Variants in CCSER1 observed in about 807,000 individuals in gnomAD.
CCSER1 encodes the protein serine-rich coiled-coil domain-containing protein 1.
A neutral mutation model predicts 82.0 loss-of-function variants in CCSER1; 41 were observed. The observed-to-expected ratio is 0.50, with a 90% CI of 0.39 to 0.65. The LOEUF (loss-of-function observed/expected upper bound fraction) is 0.65, where lower values mean the gene tolerates loss of function less well. Ranked by LOEUF, CCSER1 falls within the 30% of genes least tolerant of loss-of-function variation. The pLI, the probability that CCSER1 is intolerant of heterozygous loss-of-function variation, is 0.00. For missense variants in CCSER1, 1,119 were observed against 1,064.2 expected (o/e 1.05, Z -0.72); for synonymous variants, 414 against 383.9 (o/e 1.08, Z -0.92).
intron 10 of CCSER1, among the ~76,000 whole-genome samples, chr4:91,205,372 A>G (rs1377568757): frequency 6.6e-6 from 1 of 151,868 alleles, no homozygotes; most frequent in Non-Finnish European, 1.5e-5. Context: ...TATTTCAAGT[A>G]CCACTAGAAA....
At chr4:90,497,161 C>T (rs1051457110) in intron 5 of CCSER1, among the ~76,000 whole-genome samples, 2 of 148,538 alleles carry the variant, frequency 1.3e-5, no homozygotes, top group Non-Finnish European at 3.0e-5. Context: ...AAACTTTTAA[C>T]AACAGTACTA....
chr4:90,836,120 CTG>C (rs1037220631), intron 8 of CCSER1, among the ~76,000 whole-genome samples: 2 of 152,094 alleles, frequency 1.3e-5, no homozygotes, highest in African/African-American at 4.8e-5. Context: ...TTGTGTGACA[CTG>C]TTGGATAAAA....
intron 10 of CCSER1, among the ~76,000 whole-genome samples, chr4:91,412,598 A>C (rs1560651410): frequency 6.6e-6 from 1 of 152,108 alleles, no homozygotes; most frequent in Non-Finnish European, 1.5e-5. Flanking sequence ...GTCTCCAGTA[A>C]CAGGCCCACC....
chr4:90,424,583 A>G (rs1578405605), intron 4 of CCSER1, among the ~76,000 whole-genome samples: 2 of 152,186 alleles, frequency 1.3e-5, no homozygotes, highest in East Asian at 1.9e-4. Context: ...ATTCTCACAT[A>G]TAAGATACTA....
intron 10 of CCSER1, among the ~76,000 whole-genome samples, chr4:91,561,820 C>T (rs1316581189): frequency 6.6e-6 from 1 of 151,310 alleles, no homozygotes; most frequent in African/African-American, 2.4e-5. Context: ...ATATCTACTC[C>T]TAAAATTCTC....
intron 5 of CCSER1, among the ~76,000 whole-genome samples, chr4:90,508,985 G>A (rs932743898): frequency 6.6e-6 from 1 of 151,770 alleles, no homozygotes; most frequent in Non-Finnish European, 1.5e-5. Context: ...AGGAAACTTT[G>A]AATTTTAAGA....
intron 5 of CCSER1, among the ~76,000 whole-genome samples, chr4:90,535,675 T>C (rs539720881): frequency 2.0e-4 from 31 of 152,144 alleles, no homozygotes; most frequent in Admixed American, 1.3e-3. Context: ...TATACATTAA[T>C]GATAGAATAC....
intron 10 of CCSER1, among the ~76,000 whole-genome samples, chr4:91,299,061 G>C (rs1043456038): frequency 6.6e-6 from 1 of 151,672 alleles, no homozygotes; most frequent in Non-Finnish European, 1.5e-5. Context: ...TGTTTAACAG[G>C]CTATGTTAAA....
intron 9 of CCSER1, among the ~76,000 whole-genome samples, chr4:91,038,559 T>C (rs530607883): frequency 6.6e-6 from 1 of 152,324 alleles, no homozygotes; most frequent in African/African-American, 2.4e-5. Flanking sequence ...GAACAAAATA[T>C]TGTAAACAAC....
intron 10 of CCSER1, among the ~76,000 whole-genome samples, chr4:91,171,351 A>C (rs1019740751): frequency 6.6e-6 from 1 of 152,216 alleles, no homozygotes; most frequent in Admixed American, 6.5e-5. Context: ...ATTACTTAGC[A>C]AACGATATCA....
chr4:91,180,504 C>A (rs1733912758), intron 10 of CCSER1, among the ~76,000 whole-genome samples: 1 of 152,236 alleles, frequency 6.6e-6, no homozygotes, highest in South Asian at 2.1e-4. Context: ...CAAGCCTCAG[C>A]AATGGCGGAC....
intron 3 of CCSER1, among the ~76,000 whole-genome samples, chr4:90,384,223 G>A (rs925155510): frequency 1.1e-4 from 16 of 151,696 alleles, no homozygotes; most frequent in Non-Finnish European, 2.1e-4. Flanking sequence ...TATGTGCCAT[G>A]TTGGTGTGCT....
At chr4:91,544,379 GA>G (rs879280251) in intron 10 of CCSER1, among the ~76,000 whole-genome samples, 1 of 152,192 alleles carries the variant, frequency 6.6e-6, no homozygotes, top group Non-Finnish European at 1.5e-5. Flanking sequence ...TGGAAGAGAA[GA>G]GATGCTCTGA....
chr4:91,162,815 C>A (rs1731573318), intron 10 of CCSER1, among the ~76,000 whole-genome samples: 1 of 152,176 alleles, frequency 6.6e-6, no homozygotes, highest in Admixed American at 6.5e-5. Flanking sequence ...TTTGATTATT[C>A]TCTTTTTTCT....
At chr4:90,878,975 A>T (rs2034835297) in intron 8 of CCSER1, among the ~76,000 whole-genome samples, 2 of 152,154 alleles carry the variant, frequency 1.3e-5, no homozygotes, top group African/African-American at 2.4e-5. Flanking sequence ...TTCCTTCTTA[A>T]CATAACCAAA....
intron 9 of CCSER1, among the ~76,000 whole-genome samples, chr4:90,996,765 G>A (rs1412161601): frequency 6.6e-6 from 1 of 151,824 alleles, no homozygotes; most frequent in Admixed American, 6.6e-5. Flanking sequence ...TATATTATAT[G>A]ATCTATTAAA....
At chr4:90,888,978 T>C (rs1317452579) in intron 8 of CCSER1, among the ~76,000 whole-genome samples, 1 of 152,110 alleles carries the variant, frequency 6.6e-6, no homozygotes, top group African/African-American at 2.4e-5. Flanking sequence ...GCATTTAGTG[T>C]CACATAGCAA....
At position 90,783,331 on chromosome 4, in the gene CCSER1, G is replaced by A. The variant is rs184821008; in HGVS notation, c.2011-32431G>A. Among the ~76,000 whole-genome samples the A allele has an allele frequency of 1.8e-3, 277 of 152,262 alleles. 1 individual carries two copies. Among genetic ancestry groups the A allele is most frequent in the African/African-American group, 6.4e-3 (265 of 41,568 alleles). ...TAACTGCTACTCCCAAATCTAGAAA[G>A]GCAGGCGATTATAGAGAAAAGCAGC... On this transcript the variant is annotated intron_variant, in intron 7 of 10. Transcript: ENST00000509176.
intron 5 of CCSER1, among the ~76,000 whole-genome samples, chr4:90,496,971 C>CAAAAAAAAAAAAAAAA (rs771281710): frequency 9.1e-5 from 5 of 55,212 alleles, no homozygotes; most frequent in Admixed American, 2.4e-4. Flanking sequence ...AGCGAGACTA[C>CAAAAAAAAAAAAAAAA]AAAAAAAAAA....
Sources: gnomAD v4.1 joint callset for allele counts (sites outside exome capture counted in the v4.1 genomes callset) on GRCh38, gnomAD v4.1.1 for gene constraint, MANE v1.5 for transcripts, NCBI Gene and HGNC (gene_info 2026-07-23, HGNC 2026-07-21) for gene names.